Variants in MAP3K9 observed in about 807,000 individuals in gnomAD.
MAP3K9 encodes mitogen-activated protein kinase kinase kinase 9.
In MAP3K9, 46 loss-of-function variants were observed where a neutral mutation model predicts 95.8. That is an observed-to-expected ratio of 0.48 (90% confidence interval 0.38 to 0.61). The LOEUF is 0.61. Ranked by LOEUF, MAP3K9 falls within the 20% of genes least tolerant of loss-of-function variation. The pLI, the probability that MAP3K9 is intolerant of heterozygous loss-of-function variation, is 0.00. For synonymous variants in MAP3K9, 533 were observed against 593.8 expected (o/e 0.90, Z 1.49); for missense variants, 1,296 against 1,474.3 (o/e 0.88, Z 1.98).
In MAP3K9 at chr14:70,742,577, C is replaced by T; in HGVS notation, c.1341G>A (p.Trp447Ter). ...GTGCAGCCCGCGTCAGCTCCTCCTC[C>T]CAGGTGCGAAGTTCCTGCAGGATGG... The part of the protein sequence containing the change: ...LRAKEKELRT[W>*]EEELTRAALQ... Residue 447 changes from tryptophan to a stop codon, truncating the protein, a stop_gained, in exon 6 of 12, where the codon TGG becomes TGA. Transcript: ENST00000554752. LOFTEE classifies it high-confidence loss of function. 1 of 1,614,004 alleles carries T rather than the reference C, an allele frequency of 6.2e-7. No homozygotes were observed.
chr14:70,765,751 CAAAAAAAAA>C (rs2054443997), intron 2 of MAP3K9, among the ~76,000 whole-genome samples: 4 of 89,808 alleles, frequency 4.5e-5, no homozygotes, highest in Non-Finnish European at 7.0e-5. Context: ...AAAAAAAAAA[CAAAAAAAAA>C]CAAAAAAAAA....
chr14:70,735,383 T>A lies in MAP3K9; in HGVS notation c.1913+578A>T, dbSNP rs1255189388. On this transcript the variant is annotated intron_variant, in intron 9 of 11. Coordinates refer to ENST00000554752, the MANE Select transcript of MAP3K9 (RefSeq NM_001284230.2). ...GAGTGGCTCTTTTTTTTTTTTTTTT[T>A]AAGTCTAGGAAGAATCATTCAACTA... Among the ~76,000 whole-genome samples, 6 of 130,918 alleles carry A rather than the reference T, an allele frequency of 4.6e-5. No individual in the cohort carries two copies. In the South Asian group the frequency reaches 1.0e-3, roughly 22 times the overall value. 85.9% of individuals were successfully genotyped at this position (130,918 alleles called of 152,430 possible). A position where few individuals can be genotyped will look rare whatever the true frequency, so the allele number is the denominator to read the frequency against.
At chr14:70,794,690 T>C (rs569302190) in intron 2 of MAP3K9, among the ~76,000 whole-genome samples, 101 of 138,158 alleles carry the variant, frequency 7.3e-4, no homozygotes, top group Non-Finnish European at 1.2e-3. Flanking sequence ...TTTCTTTTTT[T>C]TTTCCAAGAT....
Position 70,723,911 on chromosome 14 carries a change from G to A in MAP3K9, c.*6469C>T, listed in dbSNP as rs771423902. The A allele has an allele frequency of 4.6e-5, 7 of 152,266 alleles. No individual in the cohort carries two copies. Among genetic ancestry groups the A allele is most frequent in the Non-Finnish European group, 8.8e-5 (6 of 68,074 alleles). 9.4% of individuals were successfully genotyped at this position (152,266 alleles called of 1,614,324 possible). On this transcript the variant is annotated 3_prime_UTR_variant, in exon 12 of 12. Coordinates refer to ENST00000554752, the MANE Select transcript of MAP3K9 (RefSeq NM_001284230.2). The stretch of plus-strand genomic sequence containing the variant: ...AGCCAGCATGGCATCTGAACTGGAG[G>A]TAGAGATAAACGATGAGAATGAAAT...
chr14:70,732,067 G>A (rs1015743950), intron 11 of MAP3K9, among the ~76,000 whole-genome samples: 3 of 152,204 alleles, frequency 2.0e-5, no homozygotes, highest in Non-Finnish European at 4.4e-5. Flanking sequence ...ATGGGTGGAA[G>A]CCTGCCTTCT....
rs61990514 is a variant in MAP3K9 at position 70,787,041 on chromosome 14, A to G, written c.820+13626T>C. On this transcript the variant is annotated intron_variant, in intron 2 of 11. Coordinates refer to ENST00000554752, the MANE Select transcript of MAP3K9 (RefSeq NM_001284230.2). ...AAAACAGCAGGAGGAGATGAGGTAT[A>G]TAGATAAGAATAGGAAAGCCAAATA... 8.6e-3 allele frequency among the ~76,000 whole-genome samples: 1,309 copies of G among 152,320 alleles called. 9 individuals carry two copies. The highest frequency in any genetic ancestry group is 0.017 in the Middle Eastern group (5 of 294).
intron 2 of MAP3K9, among the ~76,000 whole-genome samples, chr14:70,784,770 G>T (rs914121722): frequency 2.6e-5 from 4 of 152,176 alleles, no homozygotes; most frequent in African/African-American, 9.6e-5. Flanking sequence ...TTCAAATTGT[G>T]CTTTTGGAGG....
At chr14:70,733,700 G>A (rs543299403) in intron 10 of MAP3K9, 2 of 717,852 alleles carry the variant, frequency 2.8e-6, no homozygotes, top group Admixed American at 4.0e-5. Flanking sequence ...GTGTCTGTGA[G>A]GCTGTTTCCA....
chr14:70,764,192 C>CAA lies in MAP3K9; in HGVS notation c.821-3012_821-3011dup, dbSNP rs71105731. ...TGGGCGACAGAGCGAGACTCCGTCT[C>CAA]AAAAAAAAAAAAAAAAAGTTAACTG... On this transcript the variant is annotated intron_variant, in intron 2 of 11. Transcript: ENST00000554752. Among the ~76,000 whole-genome samples the CAA allele has an allele frequency of 1.0e-3, 31 of 29,854 alleles. 5 individuals are homozygous for CAA. The highest frequency in any genetic ancestry group is 2.1e-3 in the African/African-American group (17 of 8,074). 19.6% of individuals were successfully genotyped at this position (29,854 alleles called of 152,430 possible). A position where few individuals can be genotyped will look rare whatever the true frequency, so the allele number is the denominator to read the frequency against.
At chr14:70,770,414 C>T (rs1402989507) in intron 2 of MAP3K9, among the ~76,000 whole-genome samples, 1 of 151,754 alleles carries the variant, frequency 6.6e-6, no homozygotes, top group Non-Finnish European at 1.5e-5. Flanking sequence ...GAACTCCTGA[C>T]ATCAAGTGAT....
Position 70,732,736 on chromosome 14 carries a change from T to G in MAP3K9, c.2633A>C (p.Asn878Thr). Reference protein sequence around the residue: ...EAPPLSPCTHNPLVNVRVERF... With the variant: ...EAPPLSPCTHTPLVNVRVERF... ...CTCTACTCGGACATTGACCAGGGGG[T>G]TGTGGGTACATGGACTCAGGGGAGG... The change falls in exon 11 of 12, where the codon AAC becomes ACC. Residue 878 changes from asparagine (N) to threonine (T), a missense_variant. Physicochemically the swap from Asn to Thr is moderately conservative, Grantham distance 65. Transcript: ENST00000554752. The G allele has an allele frequency of 2.5e-6, 4 of 1,605,560 alleles. No individual in the cohort carries two copies. The highest frequency in any genetic ancestry group is 3.4e-6 in the Non-Finnish European group (4 of 1,174,006).
intron 2 of MAP3K9, among the ~76,000 whole-genome samples, chr14:70,763,413 T>C (rs948409706): frequency 6.6e-6 from 1 of 152,248 alleles, no homozygotes; most frequent in Non-Finnish European, 1.5e-5. Context: ...TCTGTGGTGA[T>C]GCTGCTGTAA....
At chr14:70,797,849 C>T (rs548815374) in intron 2 of MAP3K9, among the ~76,000 whole-genome samples, 2 of 152,148 alleles carry the variant, frequency 1.3e-5, no homozygotes, top group Non-Finnish European at 2.9e-5. Flanking sequence ...GGCAAACATC[C>T]ACCCACAGAC....
At chr14:70,772,879 C>T (rs1180828984) in intron 2 of MAP3K9, among the ~76,000 whole-genome samples, 1 of 152,164 alleles carries the variant, frequency 6.6e-6, no homozygotes, top group Admixed American at 6.5e-5. Context: ...GAAATTCAGG[C>T]AGGCTGGTCT....
At chr14:70,752,653 A>C (rs1170527628) in intron 3 of MAP3K9, among the ~76,000 whole-genome samples, 1 of 152,182 alleles carries the variant, frequency 6.6e-6, no homozygotes, top group Non-Finnish European at 1.5e-5. Context: ...TCCATCCTGG[A>C]GAATAAAAAC....
chr14:70,763,046 G>T (rs1330431061), intron 2 of MAP3K9, among the ~76,000 whole-genome samples: 1 of 152,258 alleles, frequency 6.6e-6, no homozygotes, highest in Non-Finnish European at 1.5e-5. Context: ...CTGAGTGGAA[G>T]AGAAAGGTTA....
At position 70,803,963 on chromosome 14, in the gene MAP3K9, A is replaced by G. The variant is rs538120552; in HGVS notation, c.407-2883T>C. On this transcript the variant is annotated intron_variant, in intron 1 of 11. Transcript: ENST00000554752. ...ACAATATTTGAAAGGCAGAAGTGAG[A>G]TGAAGACCATGTTCTTGCTGCAGGG... Among the ~76,000 whole-genome samples the G allele has an allele frequency of 3.9e-5, 6 of 152,378 alleles. No individual in the cohort carries two copies. In the South Asian group the frequency reaches 1.2e-3, roughly 32 times the overall value.
intron 5 of MAP3K9, among the ~76,000 whole-genome samples, chr14:70,746,021 T>C (rs1317624262): frequency 1.3e-5 from 2 of 152,244 alleles, no homozygotes; most frequent in Non-Finnish European, 2.9e-5. Flanking sequence ...CCTTTGTTTC[T>C]CTGTCCTATG....
chr14:70,806,252 G>C (rs1483801326), intron 1 of MAP3K9, among the ~76,000 whole-genome samples: 1 of 152,170 alleles, frequency 6.6e-6, no homozygotes, highest in African/African-American at 2.4e-5. Context: ...GATGAACCAA[G>C]GCACTGCACT....
Sources: gnomAD v4.1 joint callset for allele counts (sites outside exome capture counted in the v4.1 genomes callset) on GRCh38, gnomAD v4.1.1 for gene constraint, MANE v1.5 for transcripts, NCBI Gene and HGNC (gene_info 2026-07-23, HGNC 2026-07-21) for gene names.